Variants in LY96 observed in about 807,000 individuals in gnomAD.
LY96 encodes the protein myeloid differentiation protein-2.
A neutral mutation model predicts 18.9 loss-of-function variants in LY96; 18 were observed. The ratio of observed to expected loss-of-function variants is 0.95; its 90% CI spans 0.66 to 1.41. The LOEUF (loss-of-function observed/expected upper bound fraction) is 1.41. LY96 is among the 40% of genes most tolerant of loss of function. The probability of loss-of-function intolerance (pLI) is 0.00; values close to 1 mark genes in which losing one functional copy is unlikely to be tolerated. For synonymous variants in LY96, 66 were observed against 62.6 expected, an observed-to-expected ratio of 1.06 and a Z score of -0.26; for missense variants, 175 against 182.4, an observed-to-expected ratio of 0.96 and a Z score of 0.23.
At chr8:73,997,521 C>A (rs1816175810) in intron 1 of LY96, among the ~76,000 whole-genome samples, 1 of 152,152 alleles carries the variant, frequency 6.6e-6, no homozygotes, top group African/African-American at 2.4e-5. Context: ...GCTTTCACTA[C>A]AATTAGAGTG....
At chr8:74,061,648 G>A in the LY96 span, among the ~76,000 whole-genome samples, 3 of 152,146 alleles carry the variant, frequency 2.0e-5, no homozygotes, top group African/African-American at 7.2e-5. Flanking sequence ...GTGCTAAGTG[G>A]AATTTTTTTC....
At chr8:74,060,053 AG>A in the LY96 span, among the ~76,000 whole-genome samples, 1 of 151,794 alleles carries the variant, frequency 6.6e-6, no homozygotes, top group African/African-American at 2.4e-5. Flanking sequence ...GTGAGAGCCC[AG>A]GGGGCTGAGG....
intron 4 of LY96, 132 bp from the exon 5 acceptor site, chr8:74,028,824 G>A (rs374839418): frequency 3.0e-5 from 16 of 538,868 alleles, no homozygotes; most frequent in East Asian, 1.2e-4. Context: ...GGAAAATTTC[G>A]TCTCATTGGA....
the LY96 span, among the ~76,000 whole-genome samples, chr8:74,048,972 A>G: frequency 1.3e-5 from 2 of 152,206 alleles, no homozygotes; most frequent in Non-Finnish European, 2.9e-5. Flanking sequence ...AGTAGCCTTT[A>G]TTTTGGCTGC....
At chr8:74,056,833 A>G in the LY96 span, among the ~76,000 whole-genome samples, 1 of 152,184 alleles carries the variant, frequency 6.6e-6, no homozygotes, top group Non-Finnish European at 1.5e-5. Flanking sequence ...CAGGTGGACA[A>G]CTTGATTTTG....
In LY96 at chr8:74,010,066, C is replaced by T. The variant is rs887548267; in HGVS notation, c.268C>T (p.Arg90Cys). Residue 90 changes from arginine to cysteine, a missense_variant, in exon 3 of 5, where the codon CGC (arginine) becomes TGC (cysteine). By Grantham distance (180) the Arg-to-Cys change is radical. Coordinates refer to ENST00000284818, the MANE Select transcript of LY96 (RefSeq NM_015364.5). ...ITVNTMNLPK[R>C]KEVICRGSDD... ...TGTCAACACCATGAATCTTCCAAAGCGCAAAGAAGTTATTTGCCGAGGATC... is the reference window on the plus strand; with the variant it reads ...TGTCAACACCATGAATCTTCCAAAGTGCAAAGAAGTTATTTGCCGAGGATC... 17 of 1,611,006 alleles carry T rather than the reference C, an allele frequency of 1.1e-5. No individual in the cohort carries two copies. The highest frequency in any genetic ancestry group is 6.6e-5 in the South Asian group (6 of 91,020).
intron 3 of LY96, among the ~76,000 whole-genome samples, chr8:74,015,445 G>A (rs1330072498): frequency 6.6e-6 from 1 of 152,092 alleles, no homozygotes; most frequent in Non-Finnish European, 1.5e-5. Context: ...CCTTGTAGAT[G>A]GTCATCTTCT....
the LY96 span, among the ~76,000 whole-genome samples, chr8:74,049,808 G>T: frequency 2.8e-4 from 42 of 152,172 alleles, 2 homozygotes; most frequent in Non-Finnish European, 1.5e-5. Flanking sequence ...TCCATGAGTT[G>T]TAGCTGTCAA....
At chr8:74,042,972 T>A in the LY96 span, among the ~76,000 whole-genome samples, 1 of 152,098 alleles carries the variant, frequency 6.6e-6, no homozygotes, top group Non-Finnish European at 1.5e-5. Context: ...GAGACGGGGT[T>A]CCCCATGTTG....
chr8:74,046,291 C>T, the LY96 span, among the ~76,000 whole-genome samples: 1 of 151,998 alleles, frequency 6.6e-6, no homozygotes, highest in African/African-American at 2.4e-5. Context: ...AAAAATAAGA[C>T]ACCCAGAATA....
intron 2 of LY96, among the ~76,000 whole-genome samples, chr8:74,006,625 C>T (rs1273577252): frequency 2.0e-5 from 3 of 152,238 alleles, no homozygotes; most frequent in Admixed American, 6.5e-5. Flanking sequence ...GGATGATTAA[C>T]TCTATTTCCT....
At chr8:74,049,176 C>T in the LY96 span, among the ~76,000 whole-genome samples, 1 of 152,208 alleles carries the variant, frequency 6.6e-6, no homozygotes, top group Non-Finnish European at 1.5e-5. Flanking sequence ...ACCATTGTAT[C>T]CTTACCATCT....
intron 1 of LY96, among the ~76,000 whole-genome samples, chr8:74,001,629 A>T (rs916615927): frequency 1.3e-5 from 2 of 152,004 alleles, no homozygotes; most frequent in East Asian, 1.9e-4. Flanking sequence ...AGGCAGGAAG[A>T]TCACTTGAGT....
At chr8:73,996,369 A>ATTCCTTTC (rs1378999104) in intron 1 of LY96, among the ~76,000 whole-genome samples, 1 of 53,698 alleles carries the variant, frequency 1.9e-5, no homozygotes, top group African/African-American at 7.4e-5. Context: ...TCCTTCCTTC[A>ATTCCTTTC]TTCCTTTCTT....
chr8:74,032,748 T>G (rs914767492), downstream of LY96, among the ~76,000 whole-genome samples: 2 of 152,224 alleles, frequency 1.3e-5, no homozygotes, highest in Non-Finnish European at 2.9e-5. Flanking sequence ...TCCTTAATTT[T>G]AAATGCTACA....
the LY96 span, among the ~76,000 whole-genome samples, chr8:74,093,998 T>C: frequency 9.2e-5 from 14 of 152,120 alleles, no homozygotes; most frequent in Admixed American, 8.5e-4. Flanking sequence ...TAAATAATAT[T>C]TTTTCTTTTA....
chr8:74,026,764 T>C, intron 3 of LY96, 25 bp from the exon 4 acceptor site: 1 of 1,393,386 alleles, frequency 7.2e-7, no homozygotes, highest in African/African-American at 1.4e-5. Context: ...CCAATAACGT[T>C]TTGTATTTTA....
At chr8:74,011,443 G>A (rs1816528426) in intron 3 of LY96, among the ~76,000 whole-genome samples, 1 of 152,092 alleles carries the variant, frequency 6.6e-6, no homozygotes, top group Admixed American at 6.5e-5. Flanking sequence ...GGAGTGAACA[G>A]ACAACCTGTA....
chr8:74,076,184 G>T, the LY96 span, among the ~76,000 whole-genome samples: 4 of 151,908 alleles, frequency 2.6e-5, no homozygotes, highest in African/African-American at 9.7e-5. Flanking sequence ...CCCACATCTC[G>T]CAGTTGGGAT....
Sources: allele counts gnomAD v4.1 joint callset (sites outside exome capture counted in the v4.1 genomes callset), GRCh38; gene constraint gnomAD v4.1.1; transcripts MANE v1.5; gene names NCBI Gene and HGNC (gene_info 2026-07-23, HGNC 2026-07-21).